Variants in LAMA2 observed in about 807,000 individuals in gnomAD.
LAMA2 encodes the protein laminin subunit alpha-2.
In LAMA2, 269 loss-of-function variants were observed where a neutral mutation model predicts 364.8. The ratio of observed to expected loss-of-function variants is 0.74; its 90% CI spans 0.67 to 0.82. The LOEUF is 0.82. Ranked by LOEUF, LAMA2 falls within the 40% of genes least tolerant of loss-of-function variation. The pLI is 0.00. For synonymous variants in LAMA2, 1,379 were observed against 1,370.6 expected (o/e 1.01, Z -0.14); for missense variants, 3,807 against 3,873.2 (o/e 0.98, Z 0.45).
intron 54 of LAMA2, among the ~76,000 whole-genome samples, chr6:129,479,253 T>G (rs933383148): frequency 6.6e-6 from 1 of 152,192 alleles, no homozygotes; most frequent in Non-Finnish European, 1.5e-5. Context: ...TAGTGCATAG[T>G]CTGTTGTCTA....
chr6:129,076,566 G>C (rs926366558), intron 3 of LAMA2, among the ~76,000 whole-genome samples: 5 of 146,704 alleles, frequency 3.4e-5, no homozygotes, highest in African/African-American at 1.2e-4. Flanking sequence ...TCCAAACACA[G>C]ATTTAATTTG....
chr6:129,494,939 A>C (rs924497641), intron 58 of LAMA2, among the ~76,000 whole-genome samples: 1 of 152,208 alleles, frequency 6.6e-6, no homozygotes, highest in Admixed American at 6.5e-5. Flanking sequence ...TTGGATCCTA[A>C]TGTCCACTTA....
At chr6:129,352,338 G>A (rs1776897467) in intron 31 of LAMA2, among the ~76,000 whole-genome samples, 1 of 152,176 alleles carries the variant, frequency 6.6e-6, no homozygotes, top group East Asian at 1.9e-4. Context: ...TCAATTAATG[G>A]ACTGCATTTA....
At chr6:129,113,878 A>G (rs1414650430) in intron 4 of LAMA2, among the ~76,000 whole-genome samples, 1 of 152,046 alleles carries the variant, frequency 6.6e-6, no homozygotes, top group Non-Finnish European at 1.5e-5. Flanking sequence ...GCCCTACACT[A>G]GGACTCAGAG....
intron 27 of LAMA2, 135 bp downstream of exon 27, chr6:129,316,306 G>A: frequency 4.2e-6 from 3 of 713,650 alleles, no homozygotes; most frequent in Non-Finnish European, 7.0e-6. Context: ...AACCATGGAG[G>A]CTTCCCTGTG....
intron 40 of LAMA2, among the ~76,000 whole-genome samples, chr6:129,420,098 A>G (rs766915166): frequency 3.3e-5 from 5 of 152,142 alleles, no homozygotes; most frequent in Non-Finnish European, 7.4e-5. Flanking sequence ...TACTTTTGTA[A>G]TATCATTGTA....
intron 1 of LAMA2, among the ~76,000 whole-genome samples, chr6:128,939,419 A>G (rs987435975): frequency 2.0e-5 from 3 of 152,246 alleles, no homozygotes; most frequent in South Asian, 2.1e-4. Flanking sequence ...TTTATAACAT[A>G]TATACCTTCA....
At chr6:128,930,264 T>C (rs1041031317) in intron 1 of LAMA2, among the ~76,000 whole-genome samples, 7 of 152,238 alleles carry the variant, frequency 4.6e-5, no homozygotes, top group African/African-American at 1.2e-4. Context: ...TTTTCATTCC[T>C]ACTGCTTACA....
intron 18 of LAMA2, among the ~76,000 whole-genome samples, chr6:129,286,137 C>T (rs1789097735): frequency 6.6e-6 from 1 of 152,078 alleles, no homozygotes; most frequent in Non-Finnish European, 1.5e-5. Flanking sequence ...TAAATAATGA[C>T]TGCATATCTG....
At chr6:128,964,586 G>A (rs1461205807) in intron 1 of LAMA2, among the ~76,000 whole-genome samples, 1 of 152,180 alleles carries the variant, frequency 6.6e-6, no homozygotes, top group East Asian at 1.9e-4. Context: ...GAATGGGTTT[G>A]AATCTAAGTA....
chr6:128,983,695 G>T (rs1237596593), intron 1 of LAMA2, among the ~76,000 whole-genome samples: 3 of 152,204 alleles, frequency 2.0e-5, no homozygotes, highest in African/African-American at 7.2e-5. Flanking sequence ...GGTAACAGCT[G>T]CTTTAGAGCT....
At chr6:129,241,958 A>G (rs1785420266) in intron 12 of LAMA2, among the ~76,000 whole-genome samples, 1 of 152,156 alleles carries the variant, frequency 6.6e-6, no homozygotes. Context: ...TCACATCAAA[A>G]TAGTATTCCA....
chr6:129,035,497 G>A (rs1290178791), intron 1 of LAMA2, among the ~76,000 whole-genome samples: 4 of 145,392 alleles, frequency 2.8e-5, no homozygotes, highest in South Asian at 2.2e-4. Context: ...CTGTGCAAAC[G>A]CCGTTTAGTT....
chr6:129,455,836 C>G (rs1334963901), intron 47 of LAMA2, among the ~76,000 whole-genome samples: 21 of 151,974 alleles, frequency 1.4e-4, no homozygotes, highest in Admixed American at 1.4e-3. Context: ...AAACTGGGAT[C>G]CAAGATATTA....
At chr6:129,330,444 C>G (rs908208465) in intron 29 of LAMA2, among the ~76,000 whole-genome samples, 22 of 151,784 alleles carry the variant, frequency 1.4e-4, no homozygotes, top group African/African-American at 4.8e-4. Flanking sequence ...GCTGATTTTC[C>G]CTGTCTAATT....
intron 1 of LAMA2, among the ~76,000 whole-genome samples, chr6:128,950,149 T>C (rs932998332): frequency 6.6e-6 from 1 of 152,174 alleles, no homozygotes; most frequent in African/African-American, 2.4e-5. Context: ...TCGAGTGGCA[T>C]CTTTTTGAAA....
chr6:129,053,426 G>T (rs1000259412), intron 2 of LAMA2, among the ~76,000 whole-genome samples: 1 of 152,114 alleles, frequency 6.6e-6, no homozygotes, highest in African/African-American at 2.4e-5. Flanking sequence ...GGGGAGTATA[G>T]TTGCATACCC....
chr6:128,898,345 G>T (rs12208997), intron 1 of LAMA2, among the ~76,000 whole-genome samples: 26,887 of 152,124 alleles, frequency 0.18, 2,684 homozygotes, highest in African/African-American at 0.26. Flanking sequence ...TGCCAGGATT[G>T]AACATAGGTA....
chr6:128,896,974 T>C (rs1288182161), intron 1 of LAMA2, among the ~76,000 whole-genome samples: 1 of 152,264 alleles, frequency 6.6e-6, no homozygotes, highest in Non-Finnish European at 1.5e-5. Context: ...TAAGCATGTC[T>C]CATGCCTTAA....
Sources: gnomAD v4.1 joint callset for allele counts (sites outside exome capture counted in the v4.1 genomes callset) on GRCh38, gnomAD v4.1.1 for gene constraint, MANE v1.5 for transcripts, NCBI Gene and HGNC (gene_info 2026-07-23, HGNC 2026-07-21) for gene names.